Variants in DSP observed in about 807,000 individuals in gnomAD.
DSP encodes the protein 250/210 kDa paraneoplastic pemphigus antigen.
DSP carries 114 observed loss-of-function variants against 290.6 expected under a neutral mutation model. That is an observed-to-expected ratio of 0.39 (90% CI 0.34 to 0.46). The LOEUF (loss-of-function observed/expected upper bound fraction) is 0.46. Among genes scored for constraint, DSP ranks in the 20% least tolerant of loss-of-function variants. DSP has a pLI of 0.99. For synonymous variants in DSP, 1,311 were observed against 1,316.4 expected (o/e 1.00, Z 0.09); for missense variants, 3,230 against 3,495.8 (o/e 0.92, Z 1.92).
In DSP at chr6:7,584,493, G is replaced by A; in HGVS notation, c.7231G>A (p.Asp2411Asn). The A allele has an allele frequency of 6.2e-7, 1 of 1,614,148 alleles. No homozygotes were observed. Among genetic ancestry groups the A allele is most frequent in the Non-Finnish European group, 8.5e-7 (1 of 1,180,022 alleles). ...TGAGATTCTCTCAGATCCAAGTGAT[G>A]ATACCAAAGGATTTTTTGACCCCAA... ...LSEILSDPSDDTKGFFDPNTE... is the reference protein window; with the variant it reads ...LSEILSDPSDNTKGFFDPNTE... Residue 2411 changes from aspartate to asparagine, a missense_variant, in exon 24 of 24, where the codon GAT (aspartate) becomes AAT (asparagine). By Grantham distance (23) the Asp-to-Asn change is conservative. Coordinates refer to ENST00000379802, the MANE Select transcript of DSP (RefSeq NM_004415.4). The surrounding 1 kb of genome is among the most constrained non-coding windows in gnomAD (Gnocchi z 6.4).
chr6:7,585,594 A>C lies in DSP; in HGVS notation c.8332A>C (p.Lys2778Gln). 1.2e-6 allele frequency: 2 copies of C among 1,614,190 alleles called. No individual in the cohort carries two copies. Among genetic ancestry groups the C allele is most frequent in the Non-Finnish European group, 1.7e-6 (2 of 1,180,040 alleles). ...CTATGCCAAAATCCTGACCTGCCCC[A>C]AAACCAAATTAAAAATATCCTATAA... is the stretch of plus-strand genomic sequence containing the variant. ...SSYAKILTCP[K>Q]TKLKISYKDA... The change falls in exon 24 of 24, where the codon AAA becomes CAA. Residue 2778 changes from lysine to glutamine, a missense_variant. By Grantham distance (53) the Lys-to-Gln change is moderately conservative. Coordinates refer to ENST00000379802, the MANE Select transcript of DSP (RefSeq NM_004415.4).
intron 18 of DSP, 104 bp from the exon 19 acceptor site, chr6:7,576,190 A>T: frequency 3.1e-6 from 4 of 1,278,062 alleles, no homozygotes; most frequent in Non-Finnish European, 4.4e-6. Context: ...TGGGAATATG[A>T]TCAGTTTTCT....
In DSP at chr6:7,585,090, T is replaced by G. The variant is rs1759596520; in HGVS notation, c.7828T>G (p.Ser2610Ala). ...TTTAACCATAAGGAGCAGCTCTTTTTCAGACACCCTGGAAGAATCGAGCCC... is the reference window on the plus strand; with the variant it reads ...TTTAACCATAAGGAGCAGCTCTTTTGCAGACACCCTGGAAGAATCGAGCCC... ...RNLTIRSSSF[S>A]DTLEESSPIA... Residue 2610 changes from serine (S) to alanine (A), a missense_variant, in exon 24 of 24, where the codon TCA becomes GCA. This residue lies in a region of DSP where 582 missense variants were observed against 555.4 expected (regional missense o/e 1.05). Coordinates refer to ENST00000379802, the MANE Select transcript of DSP (RefSeq NM_004415.4). 6.2e-7 allele frequency: 1 copy of G among 1,614,060 alleles called. No individual in the cohort carries two copies. Among genetic ancestry groups the G allele is most frequent in the African/African-American group, 1.3e-5 (1 of 74,914 alleles).
chr6:7,560,754 G>A (rs536119588), intron 4 of DSP, among the ~76,000 whole-genome samples: 1 of 152,236 alleles, frequency 6.6e-6, no homozygotes, highest in Non-Finnish European at 1.5e-5. Flanking sequence ...ACAATGATGG[G>A]CAAAACAGCC....
Position 7,565,312 on chromosome 6 carries a change from T to C in DSP, c.778-47T>C, listed in dbSNP as rs772980436. The C allele has an allele frequency of 6.2e-7, 1 of 1,609,926 alleles. No individual in the cohort carries two copies. The highest frequency in any genetic ancestry group is 1.7e-5 in the Admixed American group (1 of 59,996). On this transcript the variant is annotated intron_variant, in intron 6 of 23. Transcript: ENST00000379802. The surrounding 1 kb of genome is among the most constrained non-coding windows in gnomAD (Gnocchi z 4.2). Reference sequence around the variant, plus strand: ...TCTTTAAACCTGCAGAGAACACCAGTCACTGCATATTGTTATTTTAATGCT... The same window carrying C: ...TCTTTAAACCTGCAGAGAACACCAGCCACTGCATATTGTTATTTTAATGCT...
rs79228456 is a variant in DSP at position 7,565,248 on chromosome 6, A to C, written c.778-111A>C. 499 of 1,355,824 alleles carry C rather than the reference A, an allele frequency of 3.7e-4. 3 individuals carry two copies. In the African/African-American group the frequency reaches 7.4e-3, roughly 20 times the overall value. 84.0% of individuals were successfully genotyped at this position (1,355,824 alleles called of 1,614,324 possible). A position where few individuals can be genotyped will look rare whatever the true frequency, so the allele number is the denominator to read the frequency against. On this transcript the variant is annotated intron_variant, in intron 6 of 23. Transcript: ENST00000379802. This position sits in a 1 kb window ranked among gnomAD's most constrained non-coding sequence, Gnocchi z 4.2. ...AATGCACAAGGTTAACATTTTTCCT[A>C]TCCGTGTGATTTTTTTTTTAAAGGG...
rs2113680246 is a variant in DSP, at chr6:7,572,035, T to C, written c.2097T>C (p.Ser699=). Residue 699 remains serine, a synonymous_variant, in exon 15 of 24, where the codon TCT becomes TCC. Coordinates refer to ENST00000379802, the MANE Select transcript of DSP (RefSeq NM_004415.4). ...TCCCTCTAGCAGACCAGGGATCTTC[T>C]CACCACATCACAGTGAAAATTAACG... ...KNLPLADQGS[S]HHITVKINEL... is the part of the protein sequence containing the mutation. The C allele has an allele frequency of 1.8e-5, 29 of 1,614,158 alleles. No individual in the cohort carries two copies. The highest frequency in any genetic ancestry group is 2.5e-5 in the Non-Finnish European group (29 of 1,180,020).
intron 1 of DSP, among the ~76,000 whole-genome samples, chr6:7,549,446 G>T (rs144720921): frequency 6.6e-6 from 1 of 152,276 alleles, no homozygotes; most frequent in East Asian, 1.9e-4. Context: ...ACCGTACCCG[G>T]CTAGTGAATC....
chr6:7,546,553 G>A (rs1758176197), intron 1 of DSP, among the ~76,000 whole-genome samples: 1 of 152,176 alleles, frequency 6.6e-6, no homozygotes. Flanking sequence ...GCTTGCCTAA[G>A]GTCACACAGC....
rs528249472 is a variant in DSP at position 7,568,350 on chromosome 6, C to T, written c.1267-87C>T. Reference sequence around the variant, plus strand: ...GCAACTGCAGTGATACTCAGTGTGTCATGTAGCTACATTAATGCAGGTTGA... The same window carrying T: ...GCAACTGCAGTGATACTCAGTGTGTTATGTAGCTACATTAATGCAGGTTGA... On this transcript the variant is annotated intron_variant, in intron 10 of 23. Coordinates refer to ENST00000379802, the MANE Select transcript of DSP (RefSeq NM_004415.4). 5 of 1,428,270 alleles carry T rather than the reference C, an allele frequency of 3.5e-6. No individual in the cohort carries two copies. The East Asian group carries it at 1.1e-4, about 33-fold the overall frequency. 88.5% of individuals were successfully genotyped at this position (1,428,270 alleles called of 1,614,324 possible). A position where few individuals can be genotyped will look rare whatever the true frequency, so the allele number is the denominator to read the frequency against.
At position 7,566,438 on chromosome 6, in the gene DSP, A is replaced by T; in HGVS notation, c.1001A>T (p.Asp334Val). 1 of 1,614,048 alleles carries T rather than the reference A, an allele frequency of 6.2e-7. No homozygotes were observed. Among genetic ancestry groups the T allele is most frequent in the Non-Finnish European group, 8.5e-7 (1 of 1,180,026 alleles). ...KELNKLKQES[D>V]QLVLNQHPAS... is the part of the protein sequence containing the mutation. ...CTCAATAAGCTGAAACAAGAAAGTG[A>T]CCAACTTGTCCTCAATCAGCATCCA... Residue 334 changes from aspartate to valine, a missense_variant, in exon 8 of 24, where the codon GAC (aspartate) becomes GTC (valine). By Grantham distance (152) the Asp-to-Val change is radical (BLOSUM62 -3). Around this residue, in one of 5 missense-constraint regions of DSP, gnomAD observed 646 missense variants for 684.3 expected, o/e 0.94. Transcript: ENST00000379802.
At chr6:7,568,393 C>CA (rs1491295549) in intron 10 of DSP, 44 bp from the exon 11 acceptor site, 2 of 1,608,312 alleles carry the variant, frequency 1.2e-6, no homozygotes, top group African/African-American at 1.3e-5. Flanking sequence ...CTCTAAAACT[C>CA]ACAGGGTATC....
chr6:7,548,578 A>G (rs2113642127), intron 1 of DSP, among the ~76,000 whole-genome samples: 1 of 152,352 alleles, frequency 6.6e-6, no homozygotes, highest in Non-Finnish European at 1.5e-5. Flanking sequence ...TATCCCACAA[A>G]CACAATCTGC....
rs1200725305 is a variant in DSP at position 7,562,791 on chromosome 6, G to A, written c.726+11G>A. The A allele has an allele frequency of 6.2e-7, 1 of 1,613,912 alleles. No individual in the cohort carries two copies. The highest frequency in any genetic ancestry group is 8.5e-7 in the Non-Finnish European group (1 of 1,179,866). On this transcript the variant is annotated intron_variant, in intron 5 of 23. Transcript: ENST00000379802. ...ATCAAAGCCGACCTGGTACTTGTCTGTGTTTCATTTTAGAGTCTTCAAAAT... is the reference window on the plus strand; with the variant it reads ...ATCAAAGCCGACCTGGTACTTGTCTATGTTTCATTTTAGAGTCTTCAAAAT...
chr6:7,585,252 A>G lies in DSP; in HGVS notation c.7990A>G (p.Thr2664Ala), dbSNP rs1260154229. 1 of 1,614,030 alleles carries G rather than the reference A, an allele frequency of 6.2e-7. No homozygotes were observed. The highest frequency in any genetic ancestry group is 1.3e-5 in the African/African-American group (1 of 74,916). Residue 2664 changes from threonine to alanine, a missense_variant, in exon 24 of 24, where the codon ACC becomes GCC. Thr to Ala is a moderately conservative substitution (Grantham distance 58). Transcript: ENST00000379802. ...QACTGGIIHP[T>A]TGQKLSLQDA... Reference sequence around the variant, plus strand: ...CTGCACAGGTGGCATCATCCACCCAACCACGGGCCAGAAGCTGTCACTTCA... The same window carrying G: ...CTGCACAGGTGGCATCATCCACCCAGCCACGGGCCAGAAGCTGTCACTTCA...
intron 21 of DSP, among the ~76,000 whole-genome samples, chr6:7,578,213 TCTC>T (rs1759305022): frequency 6.6e-6 from 1 of 152,202 alleles, no homozygotes; most frequent in Non-Finnish European, 1.5e-5. Flanking sequence ...GACAGCCTCT[TCTC>T]AAAGATGTCA....
intron 1 of DSP, among the ~76,000 whole-genome samples, chr6:7,554,082 A>AACAC (rs10658102): frequency 0.073 from 8,461 of 115,848 alleles, 379 homozygotes; most frequent in South Asian, 0.13. Context: ...CTTTCTTTAA[A>AACAC]ACACACACAC....
intron 4 of DSP, among the ~76,000 whole-genome samples, chr6:7,560,187 T>C (rs942143692): frequency 2.0e-5 from 3 of 152,222 alleles, no homozygotes; most frequent in African/African-American, 7.2e-5. Flanking sequence ...GAGTGATAAG[T>C]TGTGGAGAGA....
rs767938993 is a variant in DSP at position 7,582,618 on chromosome 6, C to G, written c.5380-24C>G. On this transcript the variant is annotated intron_variant, in intron 23 of 23. Transcript: ENST00000379802. The surrounding 1 kb of genome is among the most constrained non-coding windows in gnomAD (Gnocchi z 4.2). ...TATGATTCAAAACATTATTTTTTCC[C>G]ATTTCTTTCTTCTTCAATTCCAGGC... is the stretch of plus-strand genomic sequence containing the variant. 1 of 1,584,612 alleles carries G rather than the reference C, an allele frequency of 6.3e-7. No individual in the cohort carries two copies. The highest frequency in any genetic ancestry group is 1.1e-5 in the South Asian group (1 of 90,316).
Sources: gnomAD v4.1 joint callset for allele counts (sites outside exome capture counted in the v4.1 genomes callset) on GRCh38, gnomAD v4.1.1 for gene constraint, gnomAD v4.1.1 regional missense constraint, Gnocchi (gnomAD v3.1) non-coding constraint, MANE v1.5 for transcripts, NCBI Gene and HGNC (gene_info 2026-07-23, HGNC 2026-07-21) for gene names.